The following SIRPG variants were observed in gnomAD, a reference collection of about 807,000 sequenced individuals.
The protein encoded by SIRPG is signal regulatory protein gamma.
In SIRPG, 38 loss-of-function variants were observed where a neutral mutation model predicts 35.7. The ratio of observed to expected loss-of-function variants is 1.06; its 90% CI spans 0.82 to 1.40. The LOEUF is 1.40. Among genes scored for constraint, SIRPG ranks in the 40% most tolerant of loss-of-function variants. The pLI is 0.00. For missense variants in SIRPG, 519 were observed against 483.0 expected, an observed-to-expected ratio of 1.07 and a Z score of -0.70; for synonymous variants, 215 against 190.4, an observed-to-expected ratio of 1.13 and a Z score of -1.06.
At chr20:1,631,773 T>A (rs2091752584) in intron 4 of SIRPG, among the ~76,000 whole-genome samples, 1 of 152,192 alleles carries the variant, frequency 6.6e-6, no homozygotes, top group Non-Finnish European at 1.5e-5. Context: ...TGGGATGGCG[T>A]AACCACAGGC....
At chr20:1,666,019 G>A in the SIRPG span, among the ~76,000 whole-genome samples, 1 of 152,066 alleles carries the variant, frequency 6.6e-6, no homozygotes, top group South Asian at 2.1e-4. Context: ...CCTTCCAGTG[G>A]GACAAGATGC....
intron 4 of SIRPG, among the ~76,000 whole-genome samples, chr20:1,634,369 G>A (rs562605595): frequency 6.6e-6 from 1 of 151,738 alleles, no homozygotes; most frequent in Non-Finnish European, 1.5e-5. Context: ...ACCACGCCCG[G>A]CTCATTTTTT....
At chr20:1,650,020 A>C (rs1291035488) in intron 1 of SIRPG, among the ~76,000 whole-genome samples, 1 of 144,258 alleles carries the variant, frequency 6.9e-6, no homozygotes, top group Non-Finnish European at 1.5e-5. Context: ...ATATATATAT[A>C]TATATATGTC....
intron 2 of SIRPG, among the ~76,000 whole-genome samples, chr20:1,640,114 G>C (rs1397762637): frequency 6.6e-6 from 1 of 151,746 alleles, no homozygotes; most frequent in Non-Finnish European, 1.5e-5. Context: ...GCTTTTTTTT[G>C]GTTCAATATA....
chr20:1,637,539 G>A (rs2091813671), intron 2 of SIRPG: 2 of 155,018 alleles, frequency 1.3e-5, no homozygotes, highest in African/African-American at 4.8e-5. Context: ...CATGACTCAG[G>A]GTTCCCAAAT....
In SIRPG at chr20:1,649,173, G is replaced by T. The variant is rs1339167023; in HGVS notation, c.309C>A (p.Ser103=). 6.2e-7 allele frequency: 1 copy of T among 1,613,968 alleles called. No homozygotes were observed. Among genetic ancestry groups the T allele is most frequent in the East Asian group, 2.2e-5 (1 of 44,882 alleles). Residue 103 remains serine (S), a synonymous_variant, in exon 2 of 6, where the codon TCC becomes TCA. Transcript: ENST00000303415. ...DLTKRNNMDF[S]IRISSITPAD... ...CTGGGGTGATGCTACTGATGCGGAT[G>T]GAAAAGTCCATGTTGTTTCTCTTTG...
At chr20:1,652,585 A>G (rs1454118456) in intron 1 of SIRPG, among the ~76,000 whole-genome samples, 4 of 152,216 alleles carry the variant, frequency 2.6e-5, no homozygotes, top group Non-Finnish European at 4.4e-5. Flanking sequence ...ACAAATATTT[A>G]TTTATAGAAT....
upstream of SIRPG, among the ~76,000 whole-genome samples, chr20:1,662,103 T>C (rs754932638): frequency 8.5e-5 from 13 of 152,206 alleles, no homozygotes; most frequent in African/African-American, 3.1e-4. Context: ...AAGTGACATT[T>C]CTTCTTAGAT....
chr20:1,679,749 G>T, the SIRPG span, among the ~76,000 whole-genome samples: 2 of 152,138 alleles, frequency 1.3e-5, no homozygotes, highest in East Asian at 3.9e-4. Flanking sequence ...AATGAGAATG[G>T]GATCATTCTA....
chr20:1,631,201 G>T lies in SIRPG; in HGVS notation c.1082-895C>A, dbSNP rs375252839. 8.9e-4 allele frequency among the ~76,000 whole-genome samples: 135 copies of T among 152,282 alleles called. 1 individual carries two copies. Among genetic ancestry groups the T allele is most frequent in the African/African-American group, 2.9e-3 (122 of 41,548 alleles). On this transcript the variant is annotated intron_variant, in intron 4 of 5. Coordinates refer to ENST00000303415, the MANE Select transcript of SIRPG (RefSeq NM_018556.4). ...TAAATAAATAAAATGGTGCTGGTGG[G>T]TCCTTAAGGAAGAAATGGAGAACTC...
chr20:1,648,672 A>G (rs1300846858), intron 2 of SIRPG, among the ~76,000 whole-genome samples: 1 of 152,180 alleles, frequency 6.6e-6, no homozygotes, highest in Non-Finnish European at 1.5e-5. Flanking sequence ...AAAAAAAAGA[A>G]TATACTTGGC....
chr20:1,658,166 G>A (rs537748051), upstream of SIRPG, among the ~76,000 whole-genome samples: 80 of 152,318 alleles, frequency 5.3e-4, no homozygotes, highest in African/African-American at 1.9e-3. Flanking sequence ...TCCGCTGGAC[G>A]TAGGAGAAGA....
the SIRPG span, among the ~76,000 whole-genome samples, chr20:1,662,826 C>G: frequency 6.6e-6 from 1 of 152,058 alleles, no homozygotes; most frequent in Non-Finnish European, 1.5e-5. Context: ...AGGAGAAAAA[C>G]TGATCAGGAT....
At chr20:1,630,153 G>T in intron 5 of SIRPG, 69 bp downstream of exon 5, 1 of 1,201,650 alleles carries the variant, frequency 8.3e-7, no homozygotes, top group Non-Finnish European at 1.2e-6. Context: ...TGGCATGTGG[G>T]CTGGGCCTTC....
the SIRPG span, among the ~76,000 whole-genome samples, chr20:1,679,616 T>C: frequency 6.6e-6 from 1 of 152,130 alleles, no homozygotes; most frequent in South Asian, 2.1e-4. Flanking sequence ...CTCTGGGAAC[T>C]ATGAGTAGAA....
upstream of SIRPG, among the ~76,000 whole-genome samples, chr20:1,662,362 G>T (rs1568743852): frequency 1.3e-5 from 2 of 152,142 alleles, no homozygotes; most frequent in Non-Finnish European, 2.9e-5. Context: ...CTGGGAGCTT[G>T]GTTAGCTCGT....
chr20:1,664,010 C>T, the SIRPG span, among the ~76,000 whole-genome samples: 1 of 152,174 alleles, frequency 6.6e-6, no homozygotes, highest in Non-Finnish European at 1.5e-5. Context: ...CCTCGGACTG[C>T]TTCTACTCAT....
chr20:1,678,882 C>G, the SIRPG span, among the ~76,000 whole-genome samples: 1 of 152,190 alleles, frequency 6.6e-6, no homozygotes, highest in Non-Finnish European at 1.5e-5. Context: ...GTAAGATTAT[C>G]AGCTGAGTTC....
At chr20:1,677,689 A>G in the SIRPG span, among the ~76,000 whole-genome samples, 99 of 152,324 alleles carry the variant, frequency 6.5e-4, 2 homozygotes, top group East Asian at 0.017. Context: ...GAAGCCCAAA[A>G]TTGTGTGACT....
Sources: allele counts gnomAD v4.1 joint callset (sites outside exome capture counted in the v4.1 genomes callset), GRCh38; gene constraint gnomAD v4.1.1; transcripts MANE v1.5; gene names NCBI Gene and HGNC (gene_info 2026-07-23, HGNC 2026-07-21).